MYRIP: variants seen among roughly 807,000 people sequenced by gnomAD.
The protein encoded by MYRIP is rab effector MyRIP.
Under a neutral mutation model 98.0 loss-of-function variants are expected in MYRIP, and 49 were observed. The observed-to-expected ratio is 0.50, with a 90% CI of 0.40 to 0.63. The LOEUF (loss-of-function observed/expected upper bound fraction) is 0.63. Among genes scored for constraint, MYRIP ranks in the 30% least tolerant of loss-of-function variants. The pLI, the probability that MYRIP is intolerant of heterozygous loss-of-function variation, is 0.00. For synonymous variants in MYRIP, 404 were observed against 409.5 expected, an observed-to-expected ratio of 0.99 and a Z score of 0.16; for missense variants, 1,004 against 1,058.2, an observed-to-expected ratio of 0.95 and a Z score of 0.71.
At chr3:39,910,326 G>A (rs1311619959) in intron 2 of MYRIP, among the ~76,000 whole-genome samples, 1 of 152,220 alleles carries the variant, frequency 6.6e-6, no homozygotes, top group Admixed American at 6.5e-5. Context: ...TACCAAGGCA[G>A]TACACTGCCC....
intron 3 of MYRIP, among the ~76,000 whole-genome samples, chr3:40,065,816 G>T (rs1013875186): frequency 2.0e-5 from 3 of 152,132 alleles, no homozygotes; most frequent in Non-Finnish European, 4.4e-5. Flanking sequence ...GCAGGATCTG[G>T]TCTTCTTTAT....
At chr3:39,901,847 T>C (rs1339000441) in intron 2 of MYRIP, among the ~76,000 whole-genome samples, 1 of 152,034 alleles carries the variant, frequency 6.6e-6, no homozygotes, top group Non-Finnish European at 1.5e-5. Context: ...CAAAAAATGG[T>C]GGAAATAAAG....
intron 2 of MYRIP, among the ~76,000 whole-genome samples, chr3:39,908,664 AT>A (rs1280820259): frequency 6.6e-6 from 1 of 152,206 alleles, no homozygotes; most frequent in Admixed American, 6.5e-5. Context: ...ATTTATTTTC[AT>A]TTTAAACAAA....
chr3:40,253,640 CAACGGAATA>C (rs1953469091), intron 16 of MYRIP, among the ~76,000 whole-genome samples: 1 of 152,174 alleles, frequency 6.6e-6, no homozygotes, highest in Non-Finnish European at 1.5e-5. Context: ...ATAATTTGAT[CAACGGAATA>C]AGTTACCTTA....
At chr3:39,911,810 C>T (rs1305475512) in intron 2 of MYRIP, among the ~76,000 whole-genome samples, 3 of 152,202 alleles carry the variant, frequency 2.0e-5, no homozygotes, top group Non-Finnish European at 4.4e-5. Flanking sequence ...TTCTCACAGG[C>T]TCCTTCAGTG....
chr3:40,008,855 C>A (rs1946692381), intron 2 of MYRIP, among the ~76,000 whole-genome samples: 1 of 152,162 alleles, frequency 6.6e-6, no homozygotes, highest in South Asian at 2.1e-4. Context: ...TTCCTTGTGC[C>A]CAGACAGGAC....
chr3:39,863,064 T>C (rs1300736742), intron 1 of MYRIP, among the ~76,000 whole-genome samples: 1 of 151,988 alleles, frequency 6.6e-6, no homozygotes, highest in African/African-American at 2.4e-5. Context: ...GACTTTTGGG[T>C]AAATAATGAA....
intron 2 of MYRIP, among the ~76,000 whole-genome samples, chr3:40,008,537 A>G (rs1211765235): frequency 6.6e-6 from 1 of 152,146 alleles, no homozygotes; most frequent in African/African-American, 2.4e-5. Flanking sequence ...AGTGTGGTAG[A>G]AGGAAGAGAG....
At chr3:39,975,008 C>T (rs750890429) in intron 2 of MYRIP, among the ~76,000 whole-genome samples, 26 of 152,174 alleles carry the variant, frequency 1.7e-4, no homozygotes, top group Non-Finnish European at 3.7e-4. Context: ...CCTCTCCCAC[C>T]ATTCCAATTC....
chr3:40,083,856 G>A (rs563300374), intron 3 of MYRIP, among the ~76,000 whole-genome samples: 13 of 152,046 alleles, frequency 8.6e-5, no homozygotes, highest in South Asian at 2.1e-4. Context: ...AGACATTCTC[G>A]GCCGGGCGCG....
chr3:40,150,596 T>C (rs1438385588), intron 3 of MYRIP, among the ~76,000 whole-genome samples: 1 of 152,226 alleles, frequency 6.6e-6, no homozygotes, highest in Admixed American at 6.5e-5. Flanking sequence ...TGAAACTTCA[T>C]GGTTTAAAAT....
At chr3:39,910,699 A>G (rs1026438509) in intron 2 of MYRIP, among the ~76,000 whole-genome samples, 2 of 152,208 alleles carry the variant, frequency 1.3e-5, no homozygotes, top group African/African-American at 4.8e-5. Context: ...TTTAAAGTTA[A>G]TTTCACTTTT....
chr3:40,241,085 C>T (rs751529019), intron 12 of MYRIP, among the ~76,000 whole-genome samples: 1 of 152,166 alleles, frequency 6.6e-6, no homozygotes, highest in Non-Finnish European at 1.5e-5. Flanking sequence ...CAGAGAAGGA[C>T]TAGCATAGCA....
chr3:39,895,916 GGT>G (rs10577583), intron 1 of MYRIP, among the ~76,000 whole-genome samples: 86,623 of 149,860 alleles, frequency 0.58, 25,987 homozygotes, highest in African/African-American at 0.76. Flanking sequence ...GTGTGTGTGT[GGT>G]GTGTGTGTGT....
chr3:40,137,303 C>G (rs1273569552), intron 3 of MYRIP, among the ~76,000 whole-genome samples: 1 of 152,074 alleles, frequency 6.6e-6, no homozygotes, highest in Non-Finnish European at 1.5e-5. Flanking sequence ...ATAAATTCCT[C>G]GACACATACA....
chr3:39,884,962 T>A (rs532238741), intron 1 of MYRIP, among the ~76,000 whole-genome samples: 383 of 119,962 alleles, frequency 3.2e-3, no homozygotes, highest in Non-Finnish European at 4.9e-3. Context: ...CATAATGATA[T>A]TGACAAATTG....
At chr3:40,103,350 C>A (rs189656400) in intron 3 of MYRIP, among the ~76,000 whole-genome samples, 1 of 152,360 alleles carries the variant, frequency 6.6e-6, no homozygotes, top group East Asian at 1.9e-4. Context: ...CTCTTAAAGA[C>A]CCAGATGAAA....
intron 1 of MYRIP, among the ~76,000 whole-genome samples, chr3:39,857,929 C>T (rs948132648): frequency 1.3e-5 from 2 of 151,916 alleles, no homozygotes; most frequent in East Asian, 3.9e-4. Context: ...TATACCATGA[C>T]AAAAAGTCAT....
chr3:40,169,265 TG>T (rs1445162600), intron 7 of MYRIP, among the ~76,000 whole-genome samples: 68 of 152,196 alleles, frequency 4.5e-4, no homozygotes, highest in Non-Finnish European at 2.9e-5. Context: ...GATTGTTCTC[TG>T]GGCTCTCAGC....
Sources: allele counts gnomAD v4.1 joint callset (sites outside exome capture counted in the v4.1 genomes callset), GRCh38; gene constraint gnomAD v4.1.1; transcripts MANE v1.5; gene names NCBI Gene and HGNC (gene_info 2026-07-23, HGNC 2026-07-21).